The following GALNTL6 variants were observed in gnomAD, a reference collection of about 807,000 sequenced individuals.
GALNTL6 encodes the protein polypeptide N-acetylgalactosaminyltransferase-like 6.
A neutral mutation model predicts 73.7 loss-of-function variants in GALNTL6; 46 were observed. That is an observed-to-expected ratio of 0.62 (90% CI 0.49 to 0.80). The LOEUF is 0.80. GALNTL6 is among the 30% of genes least tolerant of loss of function. GALNTL6 has a pLI of 0.00. For synonymous variants in GALNTL6, 259 were observed against 263.7 expected (o/e 0.98, Z 0.17); for missense variants, 604 against 755.0 (o/e 0.80, Z 2.34).
chr4:172,272,304 C>T (rs1738684499), intron 3 of GALNTL6, among the ~76,000 whole-genome samples: 1 of 152,158 alleles, frequency 6.6e-6, no homozygotes, highest in African/African-American at 2.4e-5. Flanking sequence ...TACAGTCATG[C>T]TTTGCTTAAC....
intron 2 of GALNTL6, among the ~76,000 whole-genome samples, chr4:172,109,745 G>C (rs1453249780): frequency 1.3e-5 from 2 of 152,144 alleles, no homozygotes; most frequent in African/African-American, 4.8e-5. Context: ...GCTCCCATTT[G>C]TTGCTTGGCT....
At chr4:172,679,072 T>C (rs1294573664) in intron 5 of GALNTL6, among the ~76,000 whole-genome samples, 1 of 152,226 alleles carries the variant, frequency 6.6e-6, no homozygotes, top group Non-Finnish European at 1.5e-5. Context: ...CATTGAATTT[T>C]CTCATGTCAT....
At chr4:172,994,154 C>CTACAAT (rs140926618) in intron 10 of GALNTL6, among the ~76,000 whole-genome samples, 4,339 of 152,260 alleles carry the variant, frequency 0.028, 94 homozygotes, top group Non-Finnish European at 0.047. Flanking sequence ...TATCAGATTA[C>CTACAAT]TACAATAACT....
At chr4:172,181,623 G>A (rs1031139531) in intron 2 of GALNTL6, among the ~76,000 whole-genome samples, 5 of 115,092 alleles carry the variant, frequency 4.3e-5, no homozygotes, top group African/African-American at 2.0e-4. Flanking sequence ...GAAAGAAAGG[G>A]CATTCAAATA....
At chr4:172,376,770 A>T (rs1167324159) in intron 5 of GALNTL6, among the ~76,000 whole-genome samples, 1 of 152,142 alleles carries the variant, frequency 6.6e-6, no homozygotes, top group African/African-American at 2.4e-5. Context: ...GCCAAAATGT[A>T]TCTGGAATTG....
chr4:172,250,264 A>G (rs1202546629), intron 3 of GALNTL6, among the ~76,000 whole-genome samples: 1 of 152,118 alleles, frequency 6.6e-6, no homozygotes, highest in African/African-American at 2.4e-5. Context: ...TATTTCCCCA[A>G]TGGCTGTATC....
Position 172,809,279 on chromosome 4 carries a change from C to G in GALNTL6, c.554-82C>G. 9.0e-7 allele frequency: 1 copy of G among 1,105,924 alleles called. No homozygotes were observed. The highest frequency in any genetic ancestry group is 1.4e-6 in the Non-Finnish European group (1 of 735,422). The allele number at this position is 1,105,924 out of a possible 1,614,324, so 68.5% of individuals were successfully genotyped here. ...CCCCAGGATTCATCAGTCACATACT[C>G]TCTATGCACAAACAACCGTGAATAA... is the stretch of plus-strand genomic sequence containing the variant. On this transcript the variant is annotated intron_variant, in intron 5 of 12. Transcript: ENST00000506823. The surrounding 1 kb of genome is among the most constrained non-coding windows in gnomAD (Gnocchi z 4.4).
intron 7 of GALNTL6, among the ~76,000 whole-genome samples, chr4:172,859,153 G>A (rs1359232859): frequency 2.6e-5 from 4 of 152,094 alleles, no homozygotes; most frequent in Non-Finnish European, 4.4e-5. Flanking sequence ...CAACTTCAAC[G>A]AAAATGGAAT....
chr4:171,923,671 G>A (rs1737871380), intron 2 of GALNTL6, among the ~76,000 whole-genome samples: 1 of 151,266 alleles, frequency 6.6e-6, no homozygotes, highest in South Asian at 2.1e-4. Context: ...CTCCCAAAGT[G>A]CTGGGATTAC....
chr4:172,393,550 CT>C (rs2111307617), intron 5 of GALNTL6, among the ~76,000 whole-genome samples: 1 of 152,316 alleles, frequency 6.6e-6, no homozygotes, highest in Non-Finnish European at 1.5e-5. Flanking sequence ...AGCTTAACGT[CT>C]CTTTTAAAAA....
intron 2 of GALNTL6, among the ~76,000 whole-genome samples, chr4:171,900,895 T>C (rs373436356): frequency 0.52 from 5,525 of 10,562 alleles, 312 homozygotes; most frequent in African/African-American, 0.53. Flanking sequence ...TTAGAATATC[T>C]TTCAGAAACA....
chr4:172,672,508 A>G (rs537855250), intron 5 of GALNTL6, among the ~76,000 whole-genome samples: 29 of 152,350 alleles, frequency 1.9e-4, no homozygotes, highest in Admixed American at 1.2e-3. Context: ...AAGTTTTGCT[A>G]TCAGCATGAT....
chr4:172,086,487 ATTG>A (rs1732036919), intron 2 of GALNTL6, among the ~76,000 whole-genome samples: 3 of 152,098 alleles, frequency 2.0e-5, no homozygotes, highest in Non-Finnish European at 4.4e-5. Flanking sequence ...TAATTATTTT[ATTG>A]TTATAAACTT....
intron 10 of GALNTL6, among the ~76,000 whole-genome samples, chr4:172,991,219 G>A (rs931637851): frequency 6.6e-6 from 1 of 152,050 alleles, no homozygotes. Context: ...ATCCAATAAA[G>A]ACAGTATGAA....
chr4:172,605,935 G>A (rs1292543351), intron 5 of GALNTL6, among the ~76,000 whole-genome samples: 5 of 152,092 alleles, frequency 3.3e-5, no homozygotes, highest in Admixed American at 3.3e-4. Flanking sequence ...TACAGGAGCT[G>A]AAGAGGCCAG....
intron 2 of GALNTL6, among the ~76,000 whole-genome samples, chr4:171,965,657 G>GAAAAAAAA (rs10625618): frequency 2.8e-4 from 28 of 100,050 alleles, no homozygotes; most frequent in African/African-American, 3.9e-4. Context: ...CTCCGTCTCA[G>GAAAAAAAA]AAAAAAAAAA....
intron 5 of GALNTL6, among the ~76,000 whole-genome samples, chr4:172,675,084 C>T (rs555726282): frequency 2.0e-5 from 3 of 152,098 alleles, no homozygotes; most frequent in Non-Finnish European, 4.4e-5. Flanking sequence ...GCACTGATTC[C>T]TTATCATCTG....
chr4:171,905,945 C>T (rs1272584122), intron 2 of GALNTL6, among the ~76,000 whole-genome samples: 11 of 150,290 alleles, frequency 7.3e-5, no homozygotes, highest in East Asian at 3.9e-4. Context: ...TTGAAACCAA[C>T]GAGAACAAAG....
chr4:171,984,311 C>G (rs917375657), intron 2 of GALNTL6, among the ~76,000 whole-genome samples: 5 of 152,188 alleles, frequency 3.3e-5, no homozygotes, highest in Non-Finnish European at 7.3e-5. Context: ...TTAGAGGAAA[C>G]AGTACCAGCT....
Sources: gnomAD v4.1 joint callset for allele counts (sites outside exome capture counted in the v4.1 genomes callset) on GRCh38, gnomAD v4.1.1 for gene constraint, Gnocchi (gnomAD v3.1) non-coding constraint, MANE v1.5 for transcripts, NCBI Gene and HGNC (gene_info 2026-07-23, HGNC 2026-07-21) for gene names.